METTL8: variants seen among roughly 807,000 people sequenced by gnomAD.
The protein encoded by METTL8 is methyltransferase 8, tRNA N3-cytidine.
METTL8 carries 32 observed loss-of-function variants against 48.7 expected under a neutral mutation model. That is an observed-to-expected ratio of 0.66 (90% confidence interval 0.50 to 0.88). The LOEUF (loss-of-function observed/expected upper bound fraction) is 0.88. METTL8 is among the 40% of genes least tolerant of loss of function. The probability of loss-of-function intolerance (pLI) is 0.00; values close to 1 mark genes in which losing one functional copy is unlikely to be tolerated. For missense variants in METTL8, 464 were observed against 474.4 expected (o/e 0.98, Z 0.20); for synonymous variants, 136 against 157.1 (o/e 0.87, Z 1.01).
At position 171,323,683 on chromosome 2, in the gene METTL8, C is replaced by T. The variant is rs979194163; in HGVS notation, c.*489G>A. ...AAAATTGGGAGAAAATAGACAACAA[C>T]AAGACAAAAAATAATACACTTTGAC... On this transcript the variant is annotated 3_prime_UTR_variant, in exon 10 of 10. Transcript: ENST00000375258. The T allele has an allele frequency of 6.6e-6, 1 of 152,224 alleles. No individual in the cohort carries two copies. Among genetic ancestry groups the T allele is most frequent in the Admixed American group, 6.5e-5 (1 of 15,268 alleles). The allele number at this position is 152,224 out of a possible 1,614,324, so 9.4% of individuals were successfully genotyped here.
intron 1 of METTL8, among the ~76,000 whole-genome samples, chr2:171,401,413 T>C (rs1340904772): frequency 6.6e-6 from 1 of 152,162 alleles, no homozygotes; most frequent in Non-Finnish European, 1.5e-5. Context: ...AATAAGGTTA[T>C]TAGCAAGAAC....
chr2:171,398,815 A>C (rs1203495619), intron 1 of METTL8, among the ~76,000 whole-genome samples: 1 of 152,180 alleles, frequency 6.6e-6, no homozygotes, highest in Non-Finnish European at 1.5e-5. Flanking sequence ...TGTGTACCTT[A>C]TATATACAAT....
rs544909171 is a variant in METTL8, at chr2:171,376,893, C to A, written c.143+15150G>T. Among the ~76,000 whole-genome samples the A allele has an allele frequency of 3.0e-4, 45 of 152,160 alleles. 1 individual carries two copies. The highest frequency in any genetic ancestry group is 2.5e-3 in the Admixed American group (38 of 15,284). On this transcript the variant is annotated intron_variant, in intron 2 of 9. Coordinates refer to ENST00000375258, the MANE Select transcript of METTL8 (RefSeq NM_001321154.2). ...AAAAGAGCCCATAGAGCCAAAGCAA[C>A]AATAAGCAGAAAGAATAAATCTGGA...
At chr2:171,373,594 T>C (rs1350795573) in intron 2 of METTL8, among the ~76,000 whole-genome samples, 1 of 152,252 alleles carries the variant, frequency 6.6e-6, no homozygotes, top group African/African-American at 2.4e-5. Context: ...GGTATTCTTC[T>C]AGAGTTTTTA....
At chr2:171,364,108 C>T (rs190662231) in intron 2 of METTL8, among the ~76,000 whole-genome samples, 14 of 152,016 alleles carry the variant, frequency 9.2e-5, no homozygotes, top group African/African-American at 3.1e-4. Context: ...CCACTGCGCG[C>T]CCGGCCAAAT....
chr2:171,425,896 C>A (rs963164348), intron 1 of METTL8, among the ~76,000 whole-genome samples: 1 of 152,156 alleles, frequency 6.6e-6, no homozygotes. Flanking sequence ...TGGTGGCTCA[C>A]GCCTGTAATC....
chr2:171,390,050 T>C (rs569928568), intron 2 of METTL8, among the ~76,000 whole-genome samples: 12 of 152,334 alleles, frequency 7.9e-5, no homozygotes, highest in Admixed American at 3.3e-4. Context: ...TGACTTTAAG[T>C]TGAAGCCAGT....
intron 2 of METTL8, among the ~76,000 whole-genome samples, chr2:171,376,559 C>T (rs1686988917): frequency 6.6e-6 from 1 of 152,132 alleles, no homozygotes; most frequent in Admixed American, 6.5e-5. Flanking sequence ...CAACAACAGC[C>T]AAGCTGAGAA....
At chr2:171,434,749 G>A, upstream of METTL8, 6 of 1,391,110 alleles carry the variant, frequency 4.3e-6, no homozygotes, top group Non-Finnish European at 5.5e-6. Flanking sequence ...GCGGGCGCGC[G>A]GCGGCCGAGC....
intron 2 of METTL8, among the ~76,000 whole-genome samples, chr2:171,383,793 C>A (rs1469656178): frequency 6.6e-6 from 1 of 152,160 alleles, no homozygotes; most frequent in Non-Finnish European, 1.5e-5. Flanking sequence ...TCATCACCCT[C>A]CAAAATTGAT....
intron 1 of METTL8, among the ~76,000 whole-genome samples, chr2:171,403,031 T>C (rs1346415191): frequency 1.3e-5 from 2 of 152,028 alleles, no homozygotes; most frequent in African/African-American, 4.8e-5. Context: ...AATAAACAAA[T>C]AAATGAGGGA....
upstream of METTL8, chr2:171,434,598 C>G (rs994840619): frequency 1.5e-5 from 23 of 1,528,180 alleles, no homozygotes; most frequent in East Asian, 5.7e-4. Flanking sequence ...CCCGGAAGCC[C>G]AACGTGTGCA....
At chr2:171,387,917 C>T (rs1159160370) in intron 2 of METTL8, among the ~76,000 whole-genome samples, 1 of 152,172 alleles carries the variant, frequency 6.6e-6, no homozygotes, top group African/African-American at 2.4e-5. Flanking sequence ...AGTCTGATAA[C>T]AATTTTGTCT....
chr2:171,379,031 A>G (rs1356636208), intron 2 of METTL8, among the ~76,000 whole-genome samples: 1 of 152,242 alleles, frequency 6.6e-6, no homozygotes, highest in Non-Finnish European at 1.5e-5. Flanking sequence ...CAGCAAATGC[A>G]AAAGAATTGA....
chr2:171,362,063 A>T (rs187427950), intron 2 of METTL8, among the ~76,000 whole-genome samples: 2 of 152,200 alleles, frequency 1.3e-5, no homozygotes, highest in African/African-American at 4.8e-5. Context: ...AAAAAACTCC[A>T]TTTTGACTGG....
chr2:171,425,286 G>A (rs557268456), intron 1 of METTL8, among the ~76,000 whole-genome samples: 1 of 152,230 alleles, frequency 6.6e-6, no homozygotes, highest in African/African-American at 2.4e-5. Context: ...TAAGTACCTA[G>A]GTATATACTC....
At chr2:171,338,885 G>A (rs1686412467) in intron 4 of METTL8, among the ~76,000 whole-genome samples, 1 of 151,842 alleles carries the variant, frequency 6.6e-6, no homozygotes, top group Admixed American at 6.6e-5. Flanking sequence ...ATAACAAAGA[G>A]AGTAAAAATT....
chr2:171,397,768 A>G (rs1689256718), intron 1 of METTL8, among the ~76,000 whole-genome samples: 2 of 152,190 alleles, frequency 1.3e-5, no homozygotes, highest in Non-Finnish European at 2.9e-5. Context: ...ACAGACATTG[A>G]AAAGCTAATA....
intron 2 of METTL8, among the ~76,000 whole-genome samples, chr2:171,387,337 G>T (rs753461744): frequency 1.1e-4 from 16 of 152,040 alleles, no homozygotes; most frequent in Non-Finnish European, 2.1e-4. Context: ...CTGAAGAAGT[G>T]AGCCACACCC....
Sources: allele counts gnomAD v4.1 joint callset (sites outside exome capture counted in the v4.1 genomes callset), GRCh38; gene constraint gnomAD v4.1.1; transcripts MANE v1.5; gene names NCBI Gene and HGNC (gene_info 2026-07-23, HGNC 2026-07-21).